FSHR: variants seen among roughly 807,000 people sequenced by gnomAD.
The protein encoded by FSHR is follicle stimulating hormone receptor.
FSHR carries 46 observed loss-of-function variants against 52.1 expected under a neutral mutation model. That is an observed-to-expected ratio of 0.88 (90% CI 0.70 to 1.13). The LOEUF is 1.13. Ranked by LOEUF, FSHR falls within the 50% of genes most tolerant of loss-of-function variation. The probability of loss-of-function intolerance (pLI) is 0.00; values close to 1 mark genes in which losing one functional copy is unlikely to be tolerated. For synonymous variants in FSHR, 399 were observed against 309.6 expected (o/e 1.29, Z -3.03); for missense variants, 964 against 834.6 (o/e 1.16, Z -1.91).
At chr2:49,018,222 G>A (rs1667559562) in intron 3 of FSHR, among the ~76,000 whole-genome samples, 1 of 152,170 alleles carries the variant, frequency 6.6e-6, no homozygotes, top group South Asian at 2.1e-4. Context: ...CTCACTCAGA[G>A]CTCATGGAAA....
intron 1 of FSHR, among the ~76,000 whole-genome samples, chr2:49,150,115 T>G (rs1474638486): frequency 6.6e-6 from 1 of 151,970 alleles, no homozygotes; most frequent in Non-Finnish European, 1.5e-5. Context: ...CTTTTCTAGA[T>G]CCACTGACTG....
intron 2 of FSHR, among the ~76,000 whole-genome samples, chr2:49,044,005 C>A (rs1018994415): frequency 6.6e-6 from 1 of 152,170 alleles, no homozygotes; most frequent in Non-Finnish European, 1.5e-5. Flanking sequence ...ATCTGGACAG[C>A]AACATTTAGG....
chr2:49,004,909 CTGCAAA>C (rs1488929593), intron 4 of FSHR, among the ~76,000 whole-genome samples: 2 of 152,130 alleles, frequency 1.3e-5, no homozygotes, highest in East Asian at 3.9e-4. Context: ...TGCACCGAAT[CTGCAAA>C]TGGGTAGAGT....
chr2:49,144,629 A>T (rs1672805558), intron 1 of FSHR, among the ~76,000 whole-genome samples: 1 of 151,928 alleles, frequency 6.6e-6, no homozygotes, highest in South Asian at 2.1e-4. Context: ...GCATTTTCTA[A>T]TGTCCTCTCC....
At chr2:49,109,835 T>C (rs1671360582) in intron 1 of FSHR, among the ~76,000 whole-genome samples, 1 of 152,158 alleles carries the variant, frequency 6.6e-6, no homozygotes, top group Non-Finnish European at 1.5e-5. Context: ...AGGAAAAGGA[T>C]AAGATATCCT....
intron 6 of FSHR, among the ~76,000 whole-genome samples, chr2:48,987,629 A>T (rs1675572131): frequency 6.6e-6 from 1 of 152,096 alleles, no homozygotes; most frequent in Non-Finnish European, 1.5e-5. Flanking sequence ...GCCCATTTTA[A>T]AAACAACCTC....
intron 1 of FSHR, among the ~76,000 whole-genome samples, chr2:49,149,086 G>C (rs549957806): frequency 1.7e-4 from 26 of 151,960 alleles, no homozygotes; most frequent in Non-Finnish European, 3.1e-4. Flanking sequence ...ATTATTATTA[G>C]TAGCAGAAAT....
chr2:48,980,610 G>A (rs528932714), intron 8 of FSHR, among the ~76,000 whole-genome samples: 4 of 152,290 alleles, frequency 2.6e-5, no homozygotes, highest in Admixed American at 2.6e-4. Flanking sequence ...GGTGTTAATA[G>A]TTATTTTCCT....
At chr2:49,152,486 CT>C (rs1478051928) in intron 1 of FSHR, among the ~76,000 whole-genome samples, 2 of 151,942 alleles carry the variant, frequency 1.3e-5, no homozygotes, top group African/African-American at 4.8e-5. Context: ...ATTTTCTTTT[CT>C]TTCCTCTTTC....
intron 2 of FSHR, among the ~76,000 whole-genome samples, chr2:49,041,171 G>C (rs553224879): frequency 2.8e-4 from 42 of 152,228 alleles, no homozygotes; most frequent in Middle Eastern, 3.4e-3. Flanking sequence ...TAAATGAAAT[G>C]GATCTGTGCC....
intron 3 of FSHR, among the ~76,000 whole-genome samples, chr2:49,019,696 T>A (rs1238512422): frequency 6.6e-6 from 1 of 152,248 alleles, no homozygotes; most frequent in East Asian, 1.9e-4. Context: ...CAAGGTTTCA[T>A]GGTGAATATA....
intron 9 of FSHR, among the ~76,000 whole-genome samples, chr2:48,967,967 TACTC>T (rs1674555208): frequency 6.6e-6 from 1 of 152,250 alleles, no homozygotes; most frequent in Admixed American, 6.5e-5. Flanking sequence ...AGAACTCTGA[TACTC>T]AGTAAGTTCT....
intron 6 of FSHR, among the ~76,000 whole-genome samples, chr2:48,984,646 A>G (rs1675407984): frequency 6.6e-6 from 1 of 151,730 alleles, no homozygotes; most frequent in Non-Finnish European, 1.5e-5. Flanking sequence ...GGGGGATAAC[A>G]TTTTGCTTAA....
intron 1 of FSHR, among the ~76,000 whole-genome samples, chr2:49,129,765 A>C (rs538906084): frequency 1.3e-5 from 2 of 152,330 alleles, no homozygotes; most frequent in East Asian, 3.9e-4. Flanking sequence ...TTTAGTTTAT[A>C]TAGTATTCTC....
At chr2:49,058,715 A>G (rs1669164255) in intron 2 of FSHR, among the ~76,000 whole-genome samples, 1 of 152,190 alleles carries the variant, frequency 6.6e-6, no homozygotes, top group Non-Finnish European at 1.5e-5. Flanking sequence ...ACTACAAAAC[A>G]AAACAAAACC....
In FSHR at chr2:49,143,746, C is replaced by T. The variant is rs543787524; in HGVS notation, c.152+10520G>A. On this transcript the variant is annotated intron_variant, in intron 1 of 9. Transcript: ENST00000406846. ...TCCCAGAAAGCTGAATTAAAATCTG[C>T]ATTCCACAATATATTCCTCTACTTT... is the stretch of plus-strand genomic sequence containing the variant. Among the ~76,000 whole-genome samples, 12 of 152,232 alleles carry T rather than the reference C, an allele frequency of 7.9e-5. No individual in the cohort carries two copies. In the East Asian group the frequency reaches 2.3e-3, roughly 29 times the overall value.
chr2:48,999,426 A>T (rs184854206), intron 4 of FSHR, among the ~76,000 whole-genome samples: 14 of 152,144 alleles, frequency 9.2e-5, no homozygotes, highest in African/African-American at 3.4e-4. Context: ...TTGGGTGCTT[A>T]TTGTTGTCTT....
In FSHR at chr2:49,090,514, C is replaced by T. The variant is rs532622990; in HGVS notation, c.153-22224G>A. 2.0e-5 allele frequency among the ~76,000 whole-genome samples: 3 copies of T among 152,270 alleles called. No individual in the cohort carries two copies. The South Asian group carries it at 6.2e-4, about 32-fold the overall frequency. Reference sequence around the variant, plus strand: ...ATACCACAGTTTGTTTACCTATTCACCTGTTGAAGTACCTTTGGGTTGTTC... The same window carrying T: ...ATACCACAGTTTGTTTACCTATTCATCTGTTGAAGTACCTTTGGGTTGTTC... On this transcript the variant is annotated intron_variant, in intron 1 of 9. Coordinates refer to ENST00000406846, the MANE Select transcript of FSHR (RefSeq NM_000145.4).
At chr2:49,085,497 C>A (rs545223728) in intron 1 of FSHR, among the ~76,000 whole-genome samples, 6 of 152,266 alleles carry the variant, frequency 3.9e-5, no homozygotes, top group Non-Finnish European at 7.4e-5. Flanking sequence ...CTGGCCAGGG[C>A]AATTAGGCAG....
Sources: allele counts gnomAD v4.1 joint callset (sites outside exome capture counted in the v4.1 genomes callset), GRCh38; gene constraint gnomAD v4.1.1; transcripts MANE v1.5; gene names NCBI Gene and HGNC (gene_info 2026-07-23, HGNC 2026-07-21).